The following ANKLE2 variants were observed in gnomAD, a reference collection of about 807,000 sequenced individuals.
ANKLE2 encodes the protein ankyrin repeat and LEM domain-containing protein 2.
In ANKLE2, 55 loss-of-function variants were observed where a neutral mutation model predicts 84.2. That is an observed-to-expected ratio of 0.65 (90% CI 0.53 to 0.82). The LOEUF (loss-of-function observed/expected upper bound fraction) is 0.82, where lower values mean the gene tolerates loss of function less well. ANKLE2 is among the 40% of genes least tolerant of loss of function. The pLI, the probability that ANKLE2 is intolerant of heterozygous loss-of-function variation, is 0.00. For missense variants in ANKLE2, 1,238 were observed against 1,201.9 expected (o/e 1.03, Z -0.44); for synonymous variants, 551 against 486.1 (o/e 1.13, Z -1.76).
Position 132,727,049 on chromosome 12 carries a change from A to T in ANKLE2, c.*193T>A. On this transcript the variant is annotated 3_prime_UTR_variant, in exon 13 of 13. Transcript: ENST00000357997. ...ATTGGTAACTGAGTTTGCTTTCATT[A>T]ACTTCTAACTTCTTCCAAAATATCA... 1 of 624,700 alleles carries T rather than the reference A, an allele frequency of 1.6e-6. No homozygotes were observed. Among genetic ancestry groups the T allele is most frequent in the African/African-American group, 1.8e-5 (1 of 54,400 alleles). 38.7% of individuals were successfully genotyped at this position (624,700 alleles called of 1,614,324 possible). A position where few individuals can be genotyped will look rare whatever the true frequency, so the allele number is the denominator to read the frequency against.
intron 9 of ANKLE2, chr12:132,734,953 AG>A: frequency 3.6e-6 from 1 of 278,140 alleles, no homozygotes; most frequent in Non-Finnish European, 6.7e-6. Flanking sequence ...GGCACACGAA[AG>A]CCTGGAGGTC....
intron 1 of ANKLE2, chr12:132,759,668 C>T (rs950771681): frequency 6.6e-6 from 1 of 151,926 alleles, no homozygotes; most frequent in Non-Finnish European, 1.5e-5. Flanking sequence ...CACCCGCCGC[C>T]ACCTTGTCCG....
In ANKLE2 at chr12:132,734,497, C is replaced by G; in HGVS notation, c.1779G>C (p.Gln593His). ...FLGCFVDLSS[Q>H]EGLQRLEEYL... is the part of the protein sequence containing the mutation. ...ATTCTTCTAGTCTTTGCAGGCCTTC[C>G]TGGGAAGACAGATCAACAAAACAGC... The change falls in exon 10 of 13, where the codon CAG (glutamine) becomes CAC (histidine). Residue 593 changes from glutamine (Q) to histidine (H), a missense_variant. Physicochemically the swap from Gln to His is conservative, Grantham distance 24. Transcript: ENST00000357997. 3 of 1,614,048 alleles carry G rather than the reference C, an allele frequency of 1.9e-6. No individual in the cohort carries two copies. The highest frequency in any genetic ancestry group is 2.5e-6 in the Non-Finnish European group (3 of 1,179,996).
chr12:132,753,107 G>C (rs902048773), intron 2 of ANKLE2, among the ~76,000 whole-genome samples: 1 of 151,936 alleles, frequency 6.6e-6, no homozygotes, highest in Non-Finnish European at 1.5e-5. Context: ...CCCAGGAGTT[G>C]GGAGACCAGC....
chr12:132,756,655 C>A (rs1243418561), intron 1 of ANKLE2: 1 of 152,168 alleles, frequency 6.6e-6, no homozygotes, highest in Non-Finnish European at 1.5e-5. Flanking sequence ...AAGCCGGGTG[C>A]GGTGGCTCAC....
chr12:132,728,029 T>C lies in ANKLE2; in HGVS notation c.2615+3A>G. On this transcript the variant is annotated splice_donor_region_variant and intron_variant, in intron 12 of 12. Coordinates refer to ENST00000357997, the MANE Select transcript of ANKLE2 (RefSeq NM_015114.3). ...GGTGACAGGCTGTCCGGGCCCCACA[T>C]ACCTCTGTCTGTCCGAGGGTGAGTA... 1.3e-6 allele frequency: 2 copies of C among 1,596,972 alleles called. No individual in the cohort carries two copies. Among genetic ancestry groups the C allele is most frequent in the Non-Finnish European group, 1.7e-6 (2 of 1,174,304 alleles).
rs868148843 is a variant in ANKLE2 at position 132,761,754 on chromosome 12, G to A, written c.45C>T (p.Ala15=). 11 of 1,218,082 alleles carry A rather than the reference G, an allele frequency of 9.0e-6. No homozygotes were observed. The highest frequency in any genetic ancestry group is 3.2e-5 in the African/African-American group (2 of 62,684). 75.5% of individuals were successfully genotyped at this position (1,218,082 alleles called of 1,614,324 possible). ...RLAAAEWAAL[A]WELLGASVLL... is the part of the protein sequence containing the mutation. ...GCACCGAGGCGCCCAGCAGCTCCCAGGCCAGCGCCGCCCACTCGGCCGCCG... is the reference window on the plus strand; with the variant it reads ...GCACCGAGGCGCCCAGCAGCTCCCAAGCCAGCGCCGCCCACTCGGCCGCCG... The change falls in exon 1 of 13, where the codon GCC becomes GCT. Residue 15 remains alanine, a synonymous_variant. Transcript: ENST00000357997.
At chr12:132,752,531 C>T (rs900844754) in intron 2 of ANKLE2, among the ~76,000 whole-genome samples, 2 of 151,950 alleles carry the variant, frequency 1.3e-5, no homozygotes, top group Non-Finnish European at 2.9e-5. Flanking sequence ...CACCACACCC[C>T]GCTAATTTTC....
chr12:132,747,787 TA>T, intron 5 of ANKLE2, 44 bp downstream of exon 5: 1 of 1,568,486 alleles, frequency 6.4e-7, no homozygotes, highest in Non-Finnish European at 8.6e-7. Flanking sequence ...GAAAGACTTT[TA>T]ACCAATTAAA....
intron 6 of ANKLE2, chr12:132,741,816 G>A (rs1266923989): frequency 6.2e-6 from 3 of 485,358 alleles, no homozygotes; most frequent in Non-Finnish European, 1.2e-5. Context: ...AACCTTCTTG[G>A]TTGGTTGAGT....
At chr12:132,739,111 G>A (rs1466612657) in intron 7 of ANKLE2, among the ~76,000 whole-genome samples, 1 of 152,148 alleles carries the variant, frequency 6.6e-6, no homozygotes, top group Non-Finnish European at 1.5e-5. Flanking sequence ...GTTGAGGGTG[G>A]AGGGAGTGAG....
rs1245255317 is a variant in ANKLE2 at position 132,761,633 on chromosome 12, C to G, written c.166G>C (p.Ala56Pro). 40 of 1,260,104 alleles carry G rather than the reference C, an allele frequency of 3.2e-5. 1 individual carries two copies. The highest frequency in any genetic ancestry group is 3.8e-5 in the Non-Finnish European group (38 of 1,003,686). 78.1% of individuals were successfully genotyped at this position (1,260,104 alleles called of 1,614,324 possible). A position where few individuals can be genotyped will look rare whatever the true frequency, so the allele number is the denominator to read the frequency against. ...TGGGCCTTACCTGAGGCGGGGGCGGCGGCCGCGCTTGGCGGAGGAACTGGG... is the reference window on the plus strand; with the variant it reads ...TGGGCCTTACCTGAGGCGGGGGCGGGGGCCGCGCTTGGCGGAGGAACTGGG... ...GTPVPPPSAA[A>P]APASGEMTMD... Residue 56 changes from alanine to proline, a missense_variant, in exon 1 of 13, where the codon GCC (alanine) becomes CCC (proline). Around this residue, in one of 3 missense-constraint regions of ANKLE2, gnomAD observed 422 missense variants for 394.5 expected, o/e 1.07. Transcript: ENST00000357997.
At position 132,727,918 on chromosome 12, in the gene ANKLE2, G is replaced by A. The variant is rs533424359; in HGVS notation, c.2615+114C>T. On this transcript the variant is annotated intron_variant, in intron 12 of 12. Transcript: ENST00000357997. ...CACCCAAATCCACAGCCTGGCTGAC[G>A]GGCCTGCCAGCGTTGGGAAAAGCCA... The A allele has an allele frequency of 9.0e-5, 126 of 1,392,732 alleles. 1 individual carries two copies. In the African/African-American group the frequency reaches 1.4e-3, roughly 15 times the overall value. The allele number at this position is 1,392,732 out of a possible 1,614,324, so 86.3% of individuals were successfully genotyped here. A position where few individuals can be genotyped will look rare whatever the true frequency, so the allele number is the denominator to read the frequency against.
chr12:132,761,784 C>A lies in ANKLE2; in HGVS notation c.15G>T (p.Arg5=). 1 of 1,146,210 alleles carries A rather than the reference C, an allele frequency of 8.7e-7. No individual in the cohort carries two copies. Among genetic ancestry groups the A allele is most frequent in the Non-Finnish European group, 1.1e-6 (1 of 935,126 alleles). The allele number at this position is 1,146,210 out of a possible 1,614,324, so 71.0% of individuals were successfully genotyped here. A position where few individuals can be genotyped will look rare whatever the true frequency, so the allele number is the denominator to read the frequency against. The change falls in exon 1 of 13, where the codon CGG becomes CGT. Residue 5 remains arginine, a synonymous_variant. Transcript: ENST00000357997. ...GCGCCGCCCACTCGGCCGCCGCCAG[C>A]CGCGGCCACAGCATCGCCGCCGCCC... The part of the protein sequence containing the change: MLWP[R]LAAAEWAALA...
chr12:132,754,125 C>T (rs576447185), intron 2 of ANKLE2, among the ~76,000 whole-genome samples: 2 of 152,084 alleles, frequency 1.3e-5, no homozygotes, highest in South Asian at 4.2e-4. Flanking sequence ...GCCTGTAATC[C>T]CAGCTACTCA....
Position 132,734,415 on chromosome 12 carries a change from C to T in ANKLE2, c.1861G>A (p.Ala621Thr), listed in dbSNP as rs2043963270. ...KAQQETGERE[A>T]SCRDKATTSG... ...GTGGTGGCTTTATCTCGGCAGGAGG[C>T]TTCCCGTTCTCCTGTTTCTTGTTGA... The change falls in exon 10 of 13, where the codon GCC (alanine) becomes ACC (threonine). Residue 621 changes from alanine (A) to threonine (T), a missense_variant. Ala to Thr is a moderately conservative substitution (Grantham distance 58, BLOSUM62 0). Around this residue, in one of 3 missense-constraint regions of ANKLE2, gnomAD observed 802 missense variants for 774.5 expected, o/e 1.04. Transcript: ENST00000357997. 1 of 1,614,146 alleles carries T rather than the reference C, an allele frequency of 6.2e-7. No individual in the cohort carries two copies. Among genetic ancestry groups the T allele is most frequent in the South Asian group, 1.1e-5 (1 of 91,078 alleles).
chr12:132,729,747 G>A lies in ANKLE2; in HGVS notation c.2415C>T (p.Pro805=), dbSNP rs2043798413. 1.2e-6 allele frequency: 2 copies of A among 1,611,580 alleles called. No individual in the cohort carries two copies. Residue 805 remains proline (P), a synonymous_variant, in exon 11 of 13, where the codon CCC becomes CCT. Coordinates refer to ENST00000357997, the MANE Select transcript of ANKLE2 (RefSeq NM_015114.3). ...GCTGATCCTCGTGCCTGGGGCTGCT[G>A]GGACTCAAGGACATTTTAGCGATCC... The part of the protein sequence containing the change: ...SARIAKMSLS[P]SSPRHEDQLE...
chr12:132,753,281 T>C (rs1254593164), intron 2 of ANKLE2, among the ~76,000 whole-genome samples: 1 of 151,284 alleles, frequency 6.6e-6, no homozygotes, highest in Non-Finnish European at 1.5e-5. Flanking sequence ...TGAGATTGCA[T>C]CACTACACCC....
chr12:132,747,221 T>A (rs900446075), intron 5 of ANKLE2, among the ~76,000 whole-genome samples: 1 of 152,154 alleles, frequency 6.6e-6, no homozygotes, highest in East Asian at 1.9e-4. Context: ...CCTCTCTCTC[T>A]CCACAGCCCT....
Sources: gnomAD v4.1 joint callset for allele counts (sites outside exome capture counted in the v4.1 genomes callset) on GRCh38, gnomAD v4.1.1 for gene constraint, gnomAD v4.1.1 regional missense constraint, MANE v1.5 for transcripts, NCBI Gene and HGNC (gene_info 2026-07-23, HGNC 2026-07-21) for gene names.